PPP3R1: variants seen among roughly 807,000 people sequenced by gnomAD.
PPP3R1 encodes calcineurin subunit B type 1.
A neutral mutation model predicts 22.6 loss-of-function variants in PPP3R1; 5 were observed. That is an observed-to-expected ratio of 0.22 (90% confidence interval 0.12 to 0.46). PPP3R1 has a LOEUF of 0.46. Ranked by LOEUF, PPP3R1 falls within the 20% of genes least tolerant of loss-of-function variation. The pLI is 0.99. For synonymous variants in PPP3R1, 56 were observed against 65.2 expected (o/e 0.86, Z 0.68); for missense variants, 61 against 203.2 (o/e 0.30, Z 4.25).
At chr2:68,248,531 T>C (rs1291454406) in intron 1 of PPP3R1, among the ~76,000 whole-genome samples, 2 of 152,204 alleles carry the variant, frequency 1.3e-5, no homozygotes, top group Non-Finnish European at 2.9e-5. Flanking sequence ...CACAATTACC[T>C]GGAAGACCTA....
intron 1 of PPP3R1, among the ~76,000 whole-genome samples, chr2:68,221,210 A>G (rs1378297569): frequency 6.6e-6 from 1 of 152,166 alleles, no homozygotes; most frequent in Non-Finnish European, 1.5e-5. Flanking sequence ...GGGTGCCTGT[A>G]ATCCCAGCTA....
At chr2:68,234,027 T>C (rs1414088013) in intron 1 of PPP3R1, among the ~76,000 whole-genome samples, 1 of 152,004 alleles carries the variant, frequency 6.6e-6, no homozygotes, top group Non-Finnish European at 1.5e-5. Context: ...TCCCAAACAA[T>C]CCCCTGGGTA....
chr2:68,198,186 A>G (rs1399538678), intron 2 of PPP3R1, among the ~76,000 whole-genome samples: 1 of 139,090 alleles, frequency 7.2e-6, no homozygotes, highest in Admixed American at 7.1e-5. Flanking sequence ...TGTATATATA[A>G]TATATATTTA....
At position 68,180,827 on chromosome 2, in the gene PPP3R1, C is replaced by T; in HGVS notation, c.*136G>A. On this transcript the variant is annotated 3_prime_UTR_variant, in exon 6 of 6. Coordinates refer to ENST00000234310, the MANE Select transcript of PPP3R1 (RefSeq NM_000945.4). ...ATAACACTTAGTTGGCTTCATGAGG[C>T]TCATGTTGGAAAATGTGGCTTCACA... is the stretch of plus-strand genomic sequence containing the variant. The T allele has an allele frequency of 1.2e-6, 1 of 846,892 alleles. No individual in the cohort carries two copies. Among genetic ancestry groups the T allele is most frequent in the African/African-American group, 1.7e-5 (1 of 58,710 alleles). The allele number at this position is 846,892 out of a possible 1,614,324, so 52.5% of individuals were successfully genotyped here.
intron 5 of PPP3R1, among the ~76,000 whole-genome samples, chr2:68,181,745 T>G (rs985839479): frequency 2.0e-5 from 3 of 152,182 alleles, no homozygotes; most frequent in Non-Finnish European, 4.4e-5. Flanking sequence ...CCAGATATTA[T>G]GACAAAAACT....
rs1674345025 is a variant in PPP3R1, at chr2:68,178,994, CTA to C, written c.*1967_*1968del. Reference sequence around the variant, plus strand: ...TCCCTTACCCACCCCCACACACAAACTAAAAAAAAAAAAAAAAAAAAAGAAAA... The same window carrying C: ...TCCCTTACCCACCCCCACACACAAACAAAAAAAAAAAAAAAAAAAAGAAAA... On this transcript the variant is annotated 3_prime_UTR_variant, in exon 6 of 6. Transcript: ENST00000234310. 3.2e-5 allele frequency: 1 copy of C among 31,268 alleles called. No homozygotes were observed. Among genetic ancestry groups the C allele is most frequent in the Non-Finnish European group, 5.8e-5 (1 of 17,148 alleles). 1.9% of individuals were successfully genotyped at this position (31,268 alleles called of 1,614,324 possible). A position where few individuals can be genotyped will look rare whatever the true frequency, so the allele number is the denominator to read the frequency against.
intron 1 of PPP3R1, among the ~76,000 whole-genome samples, chr2:68,237,010 G>T (rs564755365): frequency 6.6e-6 from 1 of 152,288 alleles, no homozygotes; most frequent in East Asian, 1.9e-4. Context: ...TGTTCTTGAT[G>T]AAACTGAACT....
At chr2:68,223,146 A>T (rs767124174) in intron 1 of PPP3R1, among the ~76,000 whole-genome samples, 18 of 152,268 alleles carry the variant, frequency 1.2e-4, no homozygotes, top group Non-Finnish European at 2.4e-4. Flanking sequence ...CTATAATCCT[A>T]ACACTTGGGG....
intron 1 of PPP3R1, among the ~76,000 whole-genome samples, chr2:68,249,301 T>G (rs1670293246): frequency 7.7e-6 from 1 of 130,246 alleles, no homozygotes; most frequent in Non-Finnish European, 1.5e-5. Context: ...TAAGACAGGT[T>G]TTTTTTTTTC....
chr2:68,206,617 T>A (rs748495311), intron 2 of PPP3R1, among the ~76,000 whole-genome samples: 19 of 152,236 alleles, frequency 1.2e-4, no homozygotes, highest in Non-Finnish European at 4.4e-5. Flanking sequence ...AGCTTTCAAA[T>A]GTCACCCCTT....
chr2:68,248,455 G>A (rs78508832), intron 1 of PPP3R1, among the ~76,000 whole-genome samples: 2,411 of 152,260 alleles, frequency 0.016, 68 homozygotes, highest in African/African-American at 0.054. Flanking sequence ...ATTAAGAGAC[G>A]CTTGACTCAA....
chr2:68,198,313 A>G (rs1353495644), intron 2 of PPP3R1, among the ~76,000 whole-genome samples: 9 of 129,662 alleles, frequency 6.9e-5, no homozygotes, highest in East Asian at 4.7e-4. Flanking sequence ...ATGTATACAT[A>G]TATGTATATA....
At chr2:68,181,475 A>G (rs1022644817) in intron 5 of PPP3R1, among the ~76,000 whole-genome samples, 2 of 151,922 alleles carry the variant, frequency 1.3e-5, no homozygotes, top group Non-Finnish European at 2.9e-5. Flanking sequence ...ACAAAACTTG[A>G]GTGACCTCCA....
chr2:68,208,922 AAAAAATTTTTTTTTTTAATTT>A (rs1669394000), intron 2 of PPP3R1, among the ~76,000 whole-genome samples: 1 of 76,052 alleles, frequency 1.3e-5, no homozygotes, highest in Non-Finnish European at 2.3e-5. Context: ...GACTCTAAAA[AAAAAATTTTTTTTTTTAATTT>A]AAAAAAAATC....
chr2:68,205,085 AAC>A (rs1037666924), intron 2 of PPP3R1, among the ~76,000 whole-genome samples: 18 of 152,122 alleles, frequency 1.2e-4, no homozygotes, highest in African/African-American at 1.4e-4. Context: ...GAAAATTTCA[AAC>A]ACACACAAAG....
At chr2:68,209,335 G>T (rs1466934228) in intron 2 of PPP3R1, among the ~76,000 whole-genome samples, 1 of 111,468 alleles carries the variant, frequency 9.0e-6, no homozygotes, top group Non-Finnish European at 1.7e-5. Context: ...CTCCAGCCTG[G>T]GCGACAGAGC....
intron 2 of PPP3R1, among the ~76,000 whole-genome samples, chr2:68,204,334 C>T (rs1265184726): frequency 9.4e-5 from 4 of 42,712 alleles, no homozygotes; most frequent in African/African-American, 7.2e-4. Flanking sequence ...TACACACACA[C>T]ACTATATATA....
chr2:68,213,191 G>A (rs1160395958), intron 2 of PPP3R1, among the ~76,000 whole-genome samples: 1 of 152,146 alleles, frequency 6.6e-6, no homozygotes, highest in African/African-American at 2.4e-5. Flanking sequence ...TTGCATTCAT[G>A]TCTTGGCTAA....
intron 2 of PPP3R1, among the ~76,000 whole-genome samples, chr2:68,208,848 G>T (rs1212412104): frequency 6.6e-6 from 1 of 151,712 alleles, no homozygotes; most frequent in Non-Finnish European, 1.5e-5. Flanking sequence ...GCTTGAACCT[G>T]GGAGGTGGAG....
Sources: gnomAD v4.1 joint callset for allele counts (sites outside exome capture counted in the v4.1 genomes callset) on GRCh38, gnomAD v4.1.1 for gene constraint, MANE v1.5 for transcripts, NCBI Gene and HGNC (gene_info 2026-07-23, HGNC 2026-07-21) for gene names.